The following CORO2A variants were observed in gnomAD, a reference collection of about 807,000 sequenced individuals.
CORO2A encodes the protein coronin-2A.
Under a neutral mutation model 62.4 loss-of-function variants are expected in CORO2A, and 47 were observed. The observed-to-expected ratio is 0.75, with a 90% CI of 0.60 to 0.96. CORO2A has a LOEUF of 0.96. Among genes scored for constraint, CORO2A ranks in the 40% least tolerant of loss-of-function variants. CORO2A has a pLI of 0.00. For synonymous variants in CORO2A, 273 were observed against 268.9 expected (o/e 1.02, Z -0.15); for missense variants, 610 against 684.1 (o/e 0.89, Z 1.21).
At chr9:98,155,388 C>G (rs1313370716) in intron 2 of CORO2A, among the ~76,000 whole-genome samples, 3 of 147,988 alleles carry the variant, frequency 2.0e-5, no homozygotes, top group African/African-American at 7.5e-5. Context: ...GCTCTGTCAC[C>G]CAGGCTAGAG....
intron 3 of CORO2A, among the ~76,000 whole-genome samples, chr9:98,135,862 G>T (rs1415098500): frequency 6.6e-6 from 1 of 152,154 alleles, no homozygotes; most frequent in African/African-American, 2.4e-5. Context: ...AGATACTTCG[G>T]TCTGATGAGG....
intron 1 of CORO2A, among the ~76,000 whole-genome samples, chr9:98,177,994 T>C (rs139648214): frequency 1.4e-4 from 22 of 152,316 alleles, no homozygotes; most frequent in South Asian, 8.3e-4. Flanking sequence ...GTGACTGCAA[T>C]AGAAACCCCA....
intron 1 of CORO2A, among the ~76,000 whole-genome samples, chr9:98,168,583 G>A (rs540022887): frequency 2.6e-5 from 4 of 152,314 alleles, no homozygotes; most frequent in African/African-American, 7.2e-5. Context: ...ACACTCTCTC[G>A]CAGGGGTTCC....
At chr9:98,167,919 G>A (rs149942171) in intron 1 of CORO2A, among the ~76,000 whole-genome samples, 85 of 152,344 alleles carry the variant, frequency 5.6e-4, no homozygotes, top group African/African-American at 2.0e-3. Flanking sequence ...GAGGGTACAA[G>A]AGGATTCATT....
In CORO2A at chr9:98,124,539, T is replaced by A; in HGVS notation, c.*235A>T. On this transcript the variant is annotated 3_prime_UTR_variant, in exon 12 of 12. Coordinates refer to ENST00000375077, the MANE Select transcript of CORO2A (RefSeq NM_052820.4). The stretch of plus-strand genomic sequence containing the variant: ...TCATCATGGGCCCTTAATAACAGAA[T>A]TCAACAGAAGGCATCATCTGAAAAC... 2.6e-6 allele frequency: 1 copy of A among 389,542 alleles called. No homozygotes were observed. The highest frequency in any genetic ancestry group is 4.6e-6 in the Non-Finnish European group (1 of 217,388). 24.1% of individuals were successfully genotyped at this position (389,542 alleles called of 1,614,324 possible).
rs1313946322 is a variant in CORO2A, at chr9:98,128,267, G to A, written c.1081-7C>T. 4 of 1,607,886 alleles carry A rather than the reference G, an allele frequency of 2.5e-6. No homozygotes were observed. Among genetic ancestry groups the A allele is most frequent in the Non-Finnish European group, 3.4e-6 (4 of 1,175,008 alleles). ...CCTCTTGGTAGGATTCTGACTGCAGGAGAAATCCAGACAGTGAGGAGGGTG... is the reference window on the plus strand; with the variant it reads ...CCTCTTGGTAGGATTCTGACTGCAGAAGAAATCCAGACAGTGAGGAGGGTG... On this transcript the variant is annotated splice_polypyrimidine_tract_variant and splice_region_variant and intron_variant, in intron 9 of 11. Transcript: ENST00000375077.
rs150159248 is a variant in CORO2A, at chr9:98,190,609, C to T, written c.-1+1950G>A. ...GGTTGAATGAGACGACGTCTGAAGGCTCCTTTCAGCTCAGACATTCCATGA... is the reference window on the plus strand; with the variant it reads ...GGTTGAATGAGACGACGTCTGAAGGTTCCTTTCAGCTCAGACATTCCATGA... On this transcript the variant is annotated intron_variant, in intron 1 of 11. Coordinates refer to ENST00000375077, the MANE Select transcript of CORO2A (RefSeq NM_052820.4). Among the ~76,000 whole-genome samples, 200 of 152,282 alleles carry T rather than the reference C, an allele frequency of 1.3e-3. 1 individual carries two copies. The highest frequency in any genetic ancestry group is 4.5e-3 in the African/African-American group (189 of 41,544).
At chr9:98,188,594 G>A (rs552591948) in intron 1 of CORO2A, among the ~76,000 whole-genome samples, 43 of 152,124 alleles carry the variant, frequency 2.8e-4, no homozygotes, top group African/African-American at 7.7e-4. Flanking sequence ...GCGAAACACC[G>A]TCTCTACTGA....
chr9:98,169,426 G>A (rs1465405936), intron 1 of CORO2A, among the ~76,000 whole-genome samples: 1 of 139,568 alleles, frequency 7.2e-6, no homozygotes, highest in Admixed American at 7.2e-5. Context: ...CTGCCCCCAC[G>A]GCCCCCACCT....
At chr9:98,128,570 C>T (rs746758370) in intron 9 of CORO2A, 37 bp downstream of exon 9, 23 of 1,576,470 alleles carry the variant, frequency 1.5e-5, no homozygotes, top group Non-Finnish European at 1.9e-5. Flanking sequence ...AGGACAGGTT[C>T]CCCACCTGCC....
intron 1 of CORO2A, among the ~76,000 whole-genome samples, chr9:98,166,313 T>C (rs1204523415): frequency 1.3e-5 from 2 of 152,212 alleles, no homozygotes; most frequent in African/African-American, 4.8e-5. Flanking sequence ...TGGCAATGAT[T>C]CCTTGGTTAT....
chr9:98,129,891 CT>C lies in CORO2A; in HGVS notation c.871-2del. ...CGTAGTAGCGGATGTTGCCATCTCC[CT>C]GAGGAGGAGGAGAAGGAAGAGGAGG... is the stretch of plus-strand genomic sequence containing the variant. On this transcript the variant is annotated splice_acceptor_variant, in intron 7 of 11. Coordinates refer to ENST00000375077, the MANE Select transcript of CORO2A (RefSeq NM_052820.4). LOFTEE classifies it high-confidence loss of function. The C allele has an allele frequency of 6.2e-7, 1 of 1,612,110 alleles. No individual in the cohort carries two copies. Among genetic ancestry groups the C allele is most frequent in the Non-Finnish European group, 8.5e-7 (1 of 1,178,408 alleles).
At chr9:98,168,236 G>C (rs1246314416) in intron 1 of CORO2A, among the ~76,000 whole-genome samples, 1 of 152,368 alleles carries the variant, frequency 6.6e-6, no homozygotes, top group East Asian at 1.9e-4. Context: ...CCAATGAACA[G>C]TGTAATTAAA....
intron 2 of CORO2A, among the ~76,000 whole-genome samples, chr9:98,154,329 GTATATATA>G (rs61422672): frequency 1.3e-4 from 12 of 88,960 alleles, no homozygotes; most frequent in Non-Finnish European, 2.1e-4. Context: ...GTGTTTGTGT[GTATATATA>G]TATATATATA....
chr9:98,138,854 C>G (rs1827527907), intron 2 of CORO2A, among the ~76,000 whole-genome samples: 1 of 151,916 alleles, frequency 6.6e-6, no homozygotes, highest in Non-Finnish European at 1.5e-5. Context: ...CGAGACCATC[C>G]TGGCCAACAT....
chr9:98,189,890 T>A (rs943004200), intron 1 of CORO2A, among the ~76,000 whole-genome samples: 13 of 149,432 alleles, frequency 8.7e-5, no homozygotes, highest in South Asian at 4.2e-4. Flanking sequence ...CTCCTTTATT[T>A]TTTTTTTTTT....
intron 1 of CORO2A, among the ~76,000 whole-genome samples, chr9:98,192,341 G>A (rs947099068): frequency 2.0e-5 from 3 of 152,232 alleles, no homozygotes; most frequent in Non-Finnish European, 4.4e-5. Context: ...CGAGAAGGGG[G>A]CCACCAATGA....
chr9:98,163,107 G>A (rs931907618), intron 1 of CORO2A, among the ~76,000 whole-genome samples: 4 of 152,370 alleles, frequency 2.6e-5, no homozygotes, highest in African/African-American at 9.6e-5. Flanking sequence ...CTGATGCCAT[G>A]GGATTAGGCT....
chr9:98,172,577 G>C (rs191864378), intron 1 of CORO2A: 5 of 152,068 alleles, frequency 3.3e-5, no homozygotes, highest in African/African-American at 1.2e-4. Flanking sequence ...TTCTGAGCTC[G>C]ACCCCACAGC....
Sources: allele counts gnomAD v4.1 joint callset (sites outside exome capture counted in the v4.1 genomes callset), GRCh38; gene constraint gnomAD v4.1.1; transcripts MANE v1.5; gene names NCBI Gene and HGNC (gene_info 2026-07-23, HGNC 2026-07-21).